The following TACC2 variants were observed in gnomAD, a reference collection of about 807,000 sequenced individuals.
TACC2 encodes the protein transforming acidic coiled-coil-containing protein 2.
In TACC2, 137 loss-of-function variants were observed where a neutral mutation model predicts 227.3. The observed-to-expected ratio is 0.60, with a 90% CI of 0.52 to 0.69. The LOEUF (loss-of-function observed/expected upper bound fraction) is 0.69. Ranked by LOEUF, TACC2 falls within the 30% of genes least tolerant of loss-of-function variation. The pLI, the probability that TACC2 is intolerant of heterozygous loss-of-function variation, is 0.00. For missense variants in TACC2, 3,470 were observed against 3,694.4 expected, an observed-to-expected ratio of 0.94 and a Z score of 1.57; for synonymous variants, 1,523 against 1,487.5, an observed-to-expected ratio of 1.02 and a Z score of -0.55.
intron 2 of TACC2, among the ~76,000 whole-genome samples, chr10:122,032,445 A>G (rs1959100202): frequency 6.6e-6 from 1 of 152,152 alleles, no homozygotes; most frequent in African/African-American, 2.4e-5. Context: ...TTTGGAAGGA[A>G]AGATGCAAGT....
At chr10:122,238,091 T>C in intron 18 of TACC2, 54 bp downstream of exon 18, 1 of 1,439,326 alleles carries the variant, frequency 6.9e-7, no homozygotes, top group Non-Finnish European at 9.8e-7. Flanking sequence ...ACCTGTGGTT[T>C]AATAATGACC....
chr10:122,199,511 GA>G (rs2094706174), intron 8 of TACC2, among the ~76,000 whole-genome samples: 4 of 152,196 alleles, frequency 2.6e-5, no homozygotes, highest in Non-Finnish European at 5.9e-5. Flanking sequence ...GAATCCAGCT[GA>G]GGCCCTTCCC....
intron 7 of TACC2, among the ~76,000 whole-genome samples, chr10:122,168,167 A>G (rs2093291442): frequency 6.6e-6 from 1 of 151,220 alleles, no homozygotes. Flanking sequence ...AGCCTCCCGA[A>G]GTGTTGGGAT....
chr10:122,116,511 T>G (rs1009593053), intron 5 of TACC2, among the ~76,000 whole-genome samples: 1 of 152,226 alleles, frequency 6.6e-6, no homozygotes, highest in African/African-American at 2.4e-5. Context: ...GTCGTGACGT[T>G]GTGAACTGTC....
chr10:122,166,421 G>A (rs2093166473), intron 7 of TACC2, among the ~76,000 whole-genome samples: 1 of 152,144 alleles, frequency 6.6e-6, no homozygotes, highest in Admixed American at 6.5e-5. Flanking sequence ...GGCTAGGGAG[G>A]GAGCGACTTT....
At chr10:122,006,681 T>G (rs1261575656) in intron 1 of TACC2, among the ~76,000 whole-genome samples, 3 of 152,010 alleles carry the variant, frequency 2.0e-5, no homozygotes, top group African/African-American at 7.2e-5. Flanking sequence ...TTCTAGAAAT[T>G]TTTCTTGAAT....
chr10:122,026,611 C>T (rs1397425869), intron 2 of TACC2, among the ~76,000 whole-genome samples: 2 of 152,088 alleles, frequency 1.3e-5, no homozygotes, highest in Non-Finnish European at 2.9e-5. Context: ...CCTAAAAATC[C>T]TCTGGACTCC....
At chr10:122,204,006 A>C (rs2095002766) in intron 8 of TACC2, among the ~76,000 whole-genome samples, 1 of 150,948 alleles carries the variant, frequency 6.6e-6, no homozygotes, top group African/African-American at 2.5e-5. Flanking sequence ...AAAAATACGA[A>C]AACCAGTCAG....
At position 122,088,537 on chromosome 10, in the gene TACC2, G is replaced by T. The variant is rs1008778698; in HGVS notation, c.5519G>T (p.Arg1840Ile). The T allele has an allele frequency of 6.2e-7, 1 of 1,613,924 alleles. No individual in the cohort carries two copies. Among genetic ancestry groups the T allele is most frequent in the Non-Finnish European group, 8.5e-7 (1 of 1,179,952 alleles). The change falls in exon 5 of 23, where the codon AGA becomes ATA. Residue 1840 changes from arginine to isoleucine, a missense_variant. Physicochemically the swap from Arg to Ile is moderately conservative, Grantham distance 97. Transcript: ENST00000369005. ...TCGGTTCCTAAGAAGGATGCTCCAA[G>T]AGTCATGGATAAAGTCACTTCAGAT... The part of the protein sequence containing the change: ...LPSVPKKDAP[R>I]VMDKVTSDET...
chr10:122,071,888 A>C (rs2078113630), intron 3 of TACC2, among the ~76,000 whole-genome samples: 2 of 136,244 alleles, frequency 1.5e-5, no homozygotes, highest in African/African-American at 5.4e-5. Context: ...CTCTGTCTCA[A>C]AAAAAAAAAA....
chr10:122,113,543 G>T (rs1354285802), intron 5 of TACC2, among the ~76,000 whole-genome samples: 1 of 152,090 alleles, frequency 6.6e-6, no homozygotes, highest in Non-Finnish European at 1.5e-5. Context: ...TCGCGGTTGG[G>T]GTCCCCGCGC....
intron 5 of TACC2, among the ~76,000 whole-genome samples, chr10:122,104,031 G>A (rs565254352): frequency 1.3e-5 from 2 of 152,170 alleles, no homozygotes; most frequent in Non-Finnish European, 2.9e-5. Context: ...TATCTAGAAG[G>A]CATTGTCTAT....
In TACC2 at chr10:122,085,034, T is replaced by G. The variant is rs768037393; in HGVS notation, c.2534T>G (p.Leu845Arg). ...CCAGAGACATCCATCTTTGACGTGC[T>G]CAAGGAGCAGGCCCAGCCACCTGAA... is the stretch of plus-strand genomic sequence containing the variant. Reference protein sequence around the residue: ...AQPETSIFDVLKEQAQPPENG... With the variant: ...AQPETSIFDVRKEQAQPPENG... The change falls in exon 4 of 23, where the codon CTC (leucine) becomes CGC (arginine). Residue 845 changes from leucine to arginine, a missense_variant. By Grantham distance (102) the Leu-to-Arg change is moderately radical. Around this residue, in one of 10 missense-constraint regions of TACC2, gnomAD observed 1,924 missense variants for 1,978.3 expected, o/e 0.97. Coordinates refer to ENST00000369005, the MANE Select transcript of TACC2 (RefSeq NM_206862.4). 6.2e-7 allele frequency: 1 copy of G among 1,614,122 alleles called. No homozygotes were observed.
At chr10:122,073,389 A>T (rs1001502934) in intron 3 of TACC2, among the ~76,000 whole-genome samples, 1 of 152,010 alleles carries the variant, frequency 6.6e-6, no homozygotes, top group African/African-American at 2.4e-5. Context: ...GCTCTGAGAC[A>T]CAAAAGAGCA....
intron 2 of TACC2, among the ~76,000 whole-genome samples, chr10:122,043,453 TTCTTTC>T (rs930608544): frequency 8.4e-5 from 9 of 107,388 alleles, no homozygotes; most frequent in African/African-American, 2.3e-4. Flanking sequence ...CTTTCTTTCT[TTCTTTC>T]TCTTTCTTTC....
chr10:122,128,755 G>T (rs72840832), intron 5 of TACC2, among the ~76,000 whole-genome samples: 6,816 of 152,220 alleles, frequency 0.045, 235 homozygotes, highest in Admixed American at 0.1. Flanking sequence ...GAACTAGAAA[G>T]TAGATATAAA....
Position 122,216,826 on chromosome 10 carries a change from A to G in TACC2, c.7544A>G (p.Glu2515Gly), listed in dbSNP as rs1199102821. 1.2e-6 allele frequency: 2 copies of G among 1,614,044 alleles called. No homozygotes were observed. The highest frequency in any genetic ancestry group is 2.7e-5 in the African/African-American group (2 of 74,926). ...GAGACCAAATTCAGTTCACCCACTG[A>G]GGGTAAGCAACTCTGTAGCCAGCTG... ...VNETKFSSPT[E>G]ELDYRNSYEI... The change falls in exon 11 of 23, where the codon GAG becomes GGG. Residue 2515 changes from glutamate (E) to glycine (G), a missense_variant and splice_region_variant. By Grantham distance (98) the Glu-to-Gly change is moderately conservative. Around this residue, in one of 10 missense-constraint regions of TACC2, gnomAD observed 345 missense variants for 354.4 expected, o/e 0.97. Coordinates refer to ENST00000369005, the MANE Select transcript of TACC2 (RefSeq NM_206862.4).
intron 7 of TACC2, among the ~76,000 whole-genome samples, chr10:122,169,252 A>T (rs1172403406): frequency 1.3e-5 from 2 of 152,242 alleles, no homozygotes; most frequent in Admixed American, 6.5e-5. Context: ...TGAAAAGCCC[A>T]CTGAGCAGGC....
intron 1 of TACC2, among the ~76,000 whole-genome samples, chr10:121,998,664 A>G (rs79547192): frequency 0.15 from 23,121 of 152,196 alleles, 2,179 homozygotes; most frequent in Admixed American, 0.24. Context: ...ATTCTGCTCC[A>G]CACTCAAGTC....
Sources: allele counts gnomAD v4.1 joint callset (sites outside exome capture counted in the v4.1 genomes callset), GRCh38; gene constraint gnomAD v4.1.1; regional missense constraint gnomAD v4.1.1; transcripts MANE v1.5; gene names NCBI Gene and HGNC (gene_info 2026-07-23, HGNC 2026-07-21).